Variants in PTK7 observed in about 807,000 individuals in gnomAD.
PTK7 encodes the protein inactive tyrosine-protein kinase 7.
In PTK7, 39 loss-of-function variants were observed where a neutral mutation model predicts 116.6. The observed-to-expected ratio is 0.33, with a 90% CI of 0.26 to 0.44. The LOEUF is 0.44. Ranked by LOEUF, PTK7 falls within the 20% of genes least tolerant of loss-of-function variation. The pLI is 1.00. For synonymous variants in PTK7, 546 were observed against 563.6 expected, an observed-to-expected ratio of 0.97 and a Z score of 0.44; for missense variants, 1,169 against 1,425.6, an observed-to-expected ratio of 0.82 and a Z score of 2.90.
chr6:43,160,978 A>G lies in PTK7; in HGVS notation c.*97A>G. 2 of 1,459,786 alleles carry G rather than the reference A, an allele frequency of 1.4e-6. No homozygotes were observed. Among genetic ancestry groups the G allele is most frequent in the Non-Finnish European group, 1.8e-6 (2 of 1,090,350 alleles). 90.4% of individuals were successfully genotyped at this position (1,459,786 alleles called of 1,614,324 possible). A position where few individuals can be genotyped will look rare whatever the true frequency, so the allele number is the denominator to read the frequency against. Reference sequence around the variant, plus strand: ...AAGATCCCTGTCCTCCTGGGCCCTGAGGCCCCTGCCCTAGTGCAACAGGCA... The same window carrying G: ...AAGATCCCTGTCCTCCTGGGCCCTGGGGCCCCTGCCCTAGTGCAACAGGCA... On this transcript the variant is annotated 3_prime_UTR_variant, in exon 20 of 20. Transcript: ENST00000230419.
In PTK7 at chr6:43,132,533, C is replaced by T. The variant is rs143441748; in HGVS notation, c.1074C>T (p.His358=). The T allele has an allele frequency of 3.8e-5, 62 of 1,613,482 alleles. No individual in the cohort carries two copies. Among genetic ancestry groups the T allele is most frequent in the African/African-American group, 1.9e-4 (14 of 75,058 alleles). The change falls in exon 7 of 20, where the codon CAC becomes CAT. Residue 358 remains histidine (H), a synonymous_variant. Coordinates refer to ENST00000230419, the MANE Select transcript of PTK7 (RefSeq NM_002821.5). ...GLPEPSVWWE[H]AGVRLPTHGR... is the part of the protein sequence containing the mutation. ...CAGAGCCCAGCGTGTGGTGGGAGCA[C>T]GCGGGAGTCCGGCTGCCCACCCATG...
intron 17 of PTK7, among the ~76,000 whole-genome samples, chr6:43,157,326 C>CCATATATATATATATATA (rs1771496006): frequency 4.5e-5 from 1 of 22,006 alleles, no homozygotes; most frequent in South Asian, 2.4e-3. Context: ...GACACACACG[C>CCATATATATATATATATA]TATATATATA....
intron 10 of PTK7, among the ~76,000 whole-genome samples, chr6:43,140,368 G>A (rs1770324368): frequency 6.6e-6 from 1 of 150,548 alleles, no homozygotes; most frequent in Non-Finnish European, 1.5e-5. Context: ...TAGGAGAATT[G>A]TTTGAACCCA....
In PTK7 at chr6:43,118,809, T is replaced by A. The variant is rs1403978375; in HGVS notation, c.80-10168T>A. 7.4e-5 allele frequency among the ~76,000 whole-genome samples: 11 copies of A among 148,836 alleles called. No individual in the cohort carries two copies. The South Asian group carries it at 2.3e-3, about 32-fold the overall frequency. On this transcript the variant is annotated intron_variant, in intron 1 of 19. Coordinates refer to ENST00000230419, the MANE Select transcript of PTK7 (RefSeq NM_002821.5). ...TTTTTTTTGAGACAGGGTCTTGCTC[T>A]GTCACCCAGGCTGCAGTGACGTGAT... is the stretch of plus-strand genomic sequence containing the variant.
intron 1 of PTK7, among the ~76,000 whole-genome samples, chr6:43,117,729 C>A (rs1199466252): frequency 6.6e-6 from 1 of 152,100 alleles, no homozygotes; most frequent in Admixed American, 6.6e-5. Context: ...CACCTGAGAT[C>A]AGGAGTTCGA....
At chr6:43,154,776 G>A (rs569904126) in intron 17 of PTK7, among the ~76,000 whole-genome samples, 60 of 152,326 alleles carry the variant, frequency 3.9e-4, no homozygotes, top group African/African-American at 1.3e-3. Flanking sequence ...GGAGCCAGGC[G>A]GGGAAGCTGC....
In PTK7 at chr6:43,113,012, G is replaced by A. The variant is rs149920344; in HGVS notation, c.80-15965G>A. On this transcript the variant is annotated intron_variant, in intron 1 of 19. Coordinates refer to ENST00000230419, the MANE Select transcript of PTK7 (RefSeq NM_002821.5). ...CACAGCTAATTTTTTTCTTCTTTTA[G>A]AGTCAGGGTTTTGCTGTGCTGCTTA... Among the ~76,000 whole-genome samples, 187 of 152,010 alleles carry A rather than the reference G, an allele frequency of 1.2e-3. 2 individuals carry two copies. The highest frequency in any genetic ancestry group is 3.5e-3 in the African/African-American group (147 of 41,456).
intron 1 of PTK7, among the ~76,000 whole-genome samples, chr6:43,088,584 C>T (rs1173242419): frequency 1.3e-5 from 2 of 150,942 alleles, no homozygotes; most frequent in South Asian, 2.1e-4. Context: ...CCCAGCTACT[C>T]GGGAGGCTGA....
intron 1 of PTK7, among the ~76,000 whole-genome samples, chr6:43,084,732 T>C (rs990514442): frequency 1.3e-5 from 2 of 152,092 alleles, no homozygotes; most frequent in African/African-American, 2.4e-5. Context: ...CTAAGTAGAA[T>C]AGAAGAACAT....
At chr6:43,114,080 C>G (rs1554150966) in intron 1 of PTK7, among the ~76,000 whole-genome samples, 2 of 152,142 alleles carry the variant, frequency 1.3e-5, no homozygotes, top group South Asian at 4.1e-4. Context: ...TGGGCAGGGT[C>G]CCCCTGCTAG....
intron 1 of PTK7, among the ~76,000 whole-genome samples, chr6:43,120,203 ATGGACACT>A (rs1768874922): frequency 6.6e-6 from 1 of 152,180 alleles, no homozygotes; most frequent in Admixed American, 6.5e-5. Flanking sequence ...TTCAGGTCAA[ATGGACACT>A]TGAGTGACTT....
At chr6:43,148,179 G>A (rs1483696428) in intron 17 of PTK7, among the ~76,000 whole-genome samples, 1 of 152,072 alleles carries the variant, frequency 6.6e-6, no homozygotes. Context: ...TTGGAGCCCA[G>A]GAGGTCGAGG....
intron 1 of PTK7, among the ~76,000 whole-genome samples, chr6:43,122,492 T>TG (rs1769019974): frequency 6.6e-6 from 1 of 152,098 alleles, no homozygotes. Flanking sequence ...ACCTCTCCCT[T>TG]GGGGGTCTAT....
At chr6:43,120,298 C>T (rs903995135) in intron 1 of PTK7, among the ~76,000 whole-genome samples, 3 of 152,188 alleles carry the variant, frequency 2.0e-5, no homozygotes, top group African/African-American at 7.2e-5. Context: ...TCACACTGGG[C>T]ACAAATGTCT....
At position 43,138,831 on chromosome 6, in the gene PTK7, TC is replaced by T; in HGVS notation, c.1229-16del. 6.3e-7 allele frequency: 1 copy of T among 1,594,940 alleles called. No homozygotes were observed. Among genetic ancestry groups the T allele is most frequent in the Non-Finnish European group, 8.5e-7 (1 of 1,171,564 alleles). The stretch of plus-strand genomic sequence containing the variant: ...GACCTGTGAAGCAGCCTTCACTGTT[TC>T]CTTCCTGTCTGTCTAGCTGTGCCCT... On this transcript the variant is annotated splice_polypyrimidine_tract_variant and intron_variant, in intron 7 of 19. Transcript: ENST00000230419.
At chr6:43,080,049 CAAAAAAAAAA>C (rs1173188904) in intron 1 of PTK7, among the ~76,000 whole-genome samples, 1 of 56,840 alleles carries the variant, frequency 1.8e-5, no homozygotes, top group African/African-American at 6.2e-5. Context: ...TGACAGAGTT[CAAAAAAAAAA>C]AAAAAAAAAA....
intron 18 of PTK7, 81 bp downstream of exon 18, chr6:43,159,049 T>A: frequency 1.3e-6 from 2 of 1,553,572 alleles, no homozygotes; most frequent in Non-Finnish European, 1.8e-6. Flanking sequence ...TTGGGGGGTG[T>A]GGGAAAGGGT....
rs1769515317 is a variant in PTK7, at chr6:43,129,363, T to G, written c.367+99T>G. 1 of 1,409,530 alleles carries G rather than the reference T, an allele frequency of 7.1e-7. No individual in the cohort carries two copies. The highest frequency in any genetic ancestry group is 9.7e-7 in the Non-Finnish European group (1 of 1,029,524). 87.3% of individuals were successfully genotyped at this position (1,409,530 alleles called of 1,614,324 possible). A position where few individuals can be genotyped will look rare whatever the true frequency, so the allele number is the denominator to read the frequency against. On this transcript the variant is annotated intron_variant, in intron 2 of 19. Transcript: ENST00000230419. The surrounding 1 kb of genome is among the most constrained non-coding windows in gnomAD (Gnocchi z 4.5). ...TACCTCAGCTTCTCCCATTTCCAGT[T>G]AAACGGGCCAGGCAGAATGCATTTA...
rs1408456932 is a variant in PTK7 at position 43,145,739 on chromosome 6, A to G, written c.2640+307A>G. On this transcript the variant is annotated intron_variant, in intron 16 of 19. Coordinates refer to ENST00000230419, the MANE Select transcript of PTK7 (RefSeq NM_002821.5). This position sits in a 1 kb window ranked among gnomAD's most constrained non-coding sequence, Gnocchi z 4.8. Reference sequence around the variant, plus strand: ...GATGCCTTCCAGGTCATCTTCTCTGACTCTTGTTTTCTTTGGTTTGTTATT... The same window carrying G: ...GATGCCTTCCAGGTCATCTTCTCTGGCTCTTGTTTTCTTTGGTTTGTTATT... 4 of 210,580 alleles carry G rather than the reference A, an allele frequency of 1.9e-5. No homozygotes were observed. The highest frequency in any genetic ancestry group is 2.8e-5 in the Non-Finnish European group (3 of 107,200). 13.0% of individuals were successfully genotyped at this position (210,580 alleles called of 1,614,324 possible).
Sources: allele counts gnomAD v4.1 joint callset (sites outside exome capture counted in the v4.1 genomes callset), GRCh38; gene constraint gnomAD v4.1.1; non-coding constraint Gnocchi (gnomAD v3.1); transcripts MANE v1.5; gene names NCBI Gene and HGNC (gene_info 2026-07-23, HGNC 2026-07-21).